Variants in BCL2 observed in about 807,000 individuals in gnomAD.
BCL2 encodes the protein apoptosis regulator Bcl-2.
In BCL2, 1 loss-of-function variant was observed where a neutral mutation model predicts 14.2. The ratio of observed to expected loss-of-function variants is 0.07; its 90% CI spans 0.02 to 0.33. BCL2 has a LOEUF of 0.33. Among genes scored for constraint, BCL2 ranks in the 10% least tolerant of loss-of-function variants. The pLI is 0.99. For synonymous variants in BCL2, 151 were observed against 137.2 expected (o/e 1.10, Z -0.70); for missense variants, 247 against 305.9 (o/e 0.81, Z 1.44).
intron 2 of BCL2, among the ~76,000 whole-genome samples, chr18:63,290,532 T>A (rs1366506694): frequency 6.6e-6 from 1 of 152,242 alleles, no homozygotes; most frequent in African/African-American, 2.4e-5. Flanking sequence ...AACTGGTTTT[T>A]ATCTCGAGCT....
At chr18:63,157,044 G>C (rs1914801187) in intron 2 of BCL2, among the ~76,000 whole-genome samples, 1 of 152,188 alleles carries the variant, frequency 6.6e-6, no homozygotes, top group Admixed American at 6.5e-5. Flanking sequence ...AACTAAACAA[G>C]AAAGCCTTTG....
At chr18:63,270,376 G>A (rs1911971954) in intron 2 of BCL2, among the ~76,000 whole-genome samples, 1 of 152,140 alleles carries the variant, frequency 6.6e-6, no homozygotes, top group African/African-American at 2.4e-5. Context: ...TCATACAGTA[G>A]TATAATGTAG....
intron 2 of BCL2, among the ~76,000 whole-genome samples, chr18:63,237,284 C>A (rs4987768): frequency 0.29 from 43,830 of 152,002 alleles, 6,487 homozygotes; most frequent in African/African-American, 0.34. Flanking sequence ...GATCAATCAC[C>A]TCCCCTGAAG....
At chr18:63,138,693 C>G (rs897372788) in intron 2 of BCL2, among the ~76,000 whole-genome samples, 103 of 152,276 alleles carry the variant, frequency 6.8e-4, no homozygotes, top group African/African-American at 2.5e-3. Context: ...GAAACATGGG[C>G]CAATGACATT....
At chr18:63,169,385 T>C (rs1384361532) in intron 2 of BCL2, among the ~76,000 whole-genome samples, 1 of 109,866 alleles carries the variant, frequency 9.1e-6, no homozygotes, top group Non-Finnish European at 1.7e-5. Context: ...CTTTCTTTCT[T>C]TCTTTTTCTT....
intron 2 of BCL2, among the ~76,000 whole-genome samples, chr18:63,134,926 C>T (rs1460360873): frequency 2.6e-5 from 4 of 152,132 alleles, no homozygotes. Flanking sequence ...GATCTCTTCT[C>T]TCATGACAAC....
chr18:63,215,269 A>T (rs187181673), intron 2 of BCL2, among the ~76,000 whole-genome samples: 1 of 152,298 alleles, frequency 6.6e-6, no homozygotes, highest in African/African-American at 2.4e-5. Context: ...GCAATCTGGA[A>T]ATGTCTATTC....
chr18:63,224,121 G>A (rs1910481417), intron 2 of BCL2, among the ~76,000 whole-genome samples: 1 of 152,170 alleles, frequency 6.6e-6, no homozygotes, highest in South Asian at 2.1e-4. Context: ...CAATAGATGG[G>A]TTGGAAATTG....
intron 2 of BCL2, among the ~76,000 whole-genome samples, chr18:63,226,048 G>C (rs1688274698): frequency 6.6e-6 from 1 of 152,168 alleles, no homozygotes; most frequent in Non-Finnish European, 1.5e-5. Context: ...AATGAAAGTG[G>C]CTTTCAGTAG....
At chr18:63,146,257 G>A (rs909269278) in intron 2 of BCL2, among the ~76,000 whole-genome samples, 5 of 152,196 alleles carry the variant, frequency 3.3e-5, no homozygotes, top group African/African-American at 1.2e-4. Context: ...TTAAGTGTTG[G>A]CCGAGTGAAA....
chr18:63,207,652 C>G (rs1568233987), intron 2 of BCL2: 2 of 152,258 alleles, frequency 1.3e-5, no homozygotes, highest in East Asian at 3.9e-4. Context: ...ACTTCTGCCT[C>G]CAGTGCACTG....
At chr18:63,282,140 T>TA (rs1281345250) in intron 2 of BCL2, among the ~76,000 whole-genome samples, 3 of 152,156 alleles carry the variant, frequency 2.0e-5, no homozygotes, top group African/African-American at 7.2e-5. Flanking sequence ...TCAGGTAAAT[T>TA]AAAAATTATA....
chr18:63,264,292 C>T (rs1194666914), intron 2 of BCL2, among the ~76,000 whole-genome samples: 1 of 152,292 alleles, frequency 6.6e-6, no homozygotes, highest in African/African-American at 2.4e-5. Context: ...TAAACCCTCT[C>T]CCTGGCACTG....
chr18:63,148,702 A>T (rs1305475882), intron 2 of BCL2, among the ~76,000 whole-genome samples: 1 of 152,178 alleles, frequency 6.6e-6, no homozygotes, highest in Non-Finnish European at 1.5e-5. Flanking sequence ...GTGAACAAAC[A>T]GGATGAAATA....
In BCL2 at chr18:63,318,480, G is replaced by C. The variant is rs774056251; in HGVS notation, c.187C>G (p.Arg63Gly). 1 of 1,485,438 alleles carries C rather than the reference G, an allele frequency of 6.7e-7. No homozygotes were observed. The highest frequency in any genetic ancestry group is 8.9e-7 in the Non-Finnish European group (1 of 1,129,792). The allele number at this position is 1,485,438 out of a possible 1,614,324, so 92.0% of individuals were successfully genotyped here. Residue 63 changes from arginine (R) to glycine (G), a missense_variant, in exon 2 of 3, where the codon CGG (arginine) becomes GGG (glycine). By Grantham distance (125) the Arg-to-Gly change is moderately radical (BLOSUM62 -2). This residue lies in a region of BCL2 where 144 missense variants were observed against 135.3 expected (regional missense o/e 1.06). Transcript: ENST00000333681. This position sits in a 1 kb window ranked among gnomAD's most constrained non-coding sequence, Gnocchi z 7.4. ...GGCGAGGTCCTGGCGACCGGGTCCC[G>C]GGATGCGGCTGGATGGGGCGTGTGC... ...PGHTPHPAAS[R>G]DPVARTSPLQ...
At chr18:63,215,566 G>T (rs1431204147) in intron 2 of BCL2, among the ~76,000 whole-genome samples, 1 of 152,204 alleles carries the variant, frequency 6.6e-6, no homozygotes, top group Non-Finnish European at 1.5e-5. Context: ...GATTGTAGAA[G>T]CATAAAGTAT....
At chr18:63,159,864 C>T (rs1238902727) in intron 2 of BCL2, among the ~76,000 whole-genome samples, 2 of 152,190 alleles carry the variant, frequency 1.3e-5, no homozygotes, top group Non-Finnish European at 2.9e-5. Flanking sequence ...ACTGCCCACG[C>T]GTACGCATTT....
intron 2 of BCL2, among the ~76,000 whole-genome samples, chr18:63,160,588 G>T (rs1381375180): frequency 1.3e-5 from 2 of 152,158 alleles, no homozygotes; most frequent in Non-Finnish European, 2.9e-5. Context: ...GCAAATTAGA[G>T]ATTTTCTTAG....
intron 2 of BCL2, among the ~76,000 whole-genome samples, chr18:63,169,290 TTC>T (rs1441251735): frequency 8.3e-5 from 6 of 71,980 alleles, no homozygotes; most frequent in Non-Finnish European, 1.4e-4. Context: ...CTTTCTTTCT[TTC>T]TTTCTTTCTT....
Sources: gnomAD v4.1 joint callset for allele counts (sites outside exome capture counted in the v4.1 genomes callset) on GRCh38, gnomAD v4.1.1 for gene constraint, gnomAD v4.1.1 regional missense constraint, Gnocchi (gnomAD v3.1) non-coding constraint, MANE v1.5 for transcripts, NCBI Gene and HGNC (gene_info 2026-07-23, HGNC 2026-07-21) for gene names.